Variants in CA12 observed in about 807,000 individuals in gnomAD.
The protein encoded by CA12 is carbonic anhydrase 12, also known as carbonate dehydratase XII.
A neutral mutation model predicts 46.8 loss-of-function variants in CA12; 36 were observed. That is an observed-to-expected ratio of 0.77 (90% CI 0.59 to 1.02). The LOEUF is 1.02. CA12 is among the 50% of genes least tolerant of loss of function. The pLI, the probability that CA12 is intolerant of heterozygous loss-of-function variation, is 0.00. For synonymous variants in CA12, 202 were observed against 187.0 expected, an observed-to-expected ratio of 1.08 and a Z score of -0.65; for missense variants, 436 against 451.4, an observed-to-expected ratio of 0.97 and a Z score of 0.31.
intron 1 of CA12, among the ~76,000 whole-genome samples, chr15:63,376,432 G>A (rs1294140137): frequency 6.6e-6 from 1 of 152,096 alleles, no homozygotes; most frequent in Non-Finnish European, 1.5e-5. Context: ...ACACACATAT[G>A]CATTGATCTC....
At chr15:63,368,849 C>G (rs551699869) in intron 2 of CA12, among the ~76,000 whole-genome samples, 6 of 152,298 alleles carry the variant, frequency 3.9e-5, no homozygotes, top group Admixed American at 3.3e-4. Context: ...AGGCTGGTGT[C>G]AATCCCAAAT....
At chr15:63,376,954 T>G (rs558264654) in intron 1 of CA12, among the ~76,000 whole-genome samples, 5 of 152,212 alleles carry the variant, frequency 3.3e-5, no homozygotes, top group Admixed American at 2.0e-4. Context: ...GGAAAAAGTT[T>G]CTCTTTGAGG....
intron 1 of CA12, among the ~76,000 whole-genome samples, chr15:63,377,465 A>T (rs1022219532): frequency 6.8e-6 from 1 of 147,640 alleles, no homozygotes; most frequent in Non-Finnish European, 1.5e-5. Context: ...AAAAGTTAAA[A>T]AGTGAACTTG....
At chr15:63,370,625 T>C (rs1318361378) in intron 2 of CA12, among the ~76,000 whole-genome samples, 4 of 151,348 alleles carry the variant, frequency 2.6e-5, no homozygotes, top group Non-Finnish European at 4.4e-5. Context: ...ATACAAAGAT[T>C]AGCCGGGCGT....
intron 2 of CA12, among the ~76,000 whole-genome samples, chr15:63,368,576 C>T (rs2039463681): frequency 6.6e-6 from 1 of 152,258 alleles, no homozygotes; most frequent in African/African-American, 2.4e-5. Context: ...CACAGGGCAG[C>T]ACACTGGCTC....
intron 4 of CA12, among the ~76,000 whole-genome samples, chr15:63,342,919 A>G (rs1035602680): frequency 6.6e-6 from 1 of 152,138 alleles, no homozygotes; most frequent in African/African-American, 2.4e-5. Context: ...AATACAGCTT[A>G]ATTTTCCCAT....
chr15:63,339,911 T>G lies in CA12; in HGVS notation c.747+377A>C, dbSNP rs2039053740. 3.0e-6 allele frequency: 1 copy of G among 335,768 alleles called. No individual in the cohort carries two copies. The highest frequency in any genetic ancestry group is 5.8e-6 in the Non-Finnish European group (1 of 173,686). The allele number at this position is 335,768 out of a possible 1,614,324, so 20.8% of individuals were successfully genotyped here. A position where few individuals can be genotyped will look rare whatever the true frequency, so the allele number is the denominator to read the frequency against. ...GCTTCTTGGGGGCAGGGACCCTCAC[T>G]TAGTCATTGCTGCAATCCCATCTCT... On this transcript the variant is annotated intron_variant, in intron 7 of 10. Transcript: ENST00000178638. The surrounding 1 kb of genome is among the most constrained non-coding windows in gnomAD (Gnocchi z 4.3).
At chr15:63,370,340 T>G (rs571782094) in intron 2 of CA12, among the ~76,000 whole-genome samples, 51 of 148,794 alleles carry the variant, frequency 3.4e-4, no homozygotes, top group African/African-American at 1.1e-3. Context: ...CCTAGCTACT[T>G]GGGAGGCTGA....
At chr15:63,363,571 T>G (rs1298550977) in intron 2 of CA12, among the ~76,000 whole-genome samples, 1 of 152,202 alleles carries the variant, frequency 6.6e-6, no homozygotes, top group Non-Finnish European at 1.5e-5. Context: ...TTGGAAGTCC[T>G]AGAACACTGC....
intron 2 of CA12, among the ~76,000 whole-genome samples, chr15:63,364,163 G>C (rs2039403780): frequency 6.6e-6 from 1 of 150,874 alleles, no homozygotes; most frequent in Non-Finnish European, 1.5e-5. Flanking sequence ...GGCAACAAGA[G>C]TAAAACTCTG....
chr15:63,358,301 G>C (rs1314747904), intron 2 of CA12, among the ~76,000 whole-genome samples: 1 of 152,218 alleles, frequency 6.6e-6, no homozygotes, highest in Non-Finnish European at 1.5e-5. Flanking sequence ...GGGTCAACAA[G>C]GCTATTATTT....
Position 63,345,053 on chromosome 15 carries a change from A to G in CA12, c.429+424T>C, listed in dbSNP as rs2039128235. On this transcript the variant is annotated intron_variant, in intron 4 of 10. Transcript: ENST00000178638. The surrounding 1 kb of genome is among the most constrained non-coding windows in gnomAD (Gnocchi z 4.3). Reference sequence around the variant, plus strand: ...ACAACCCATGCCCAGAGAGGGAAAGATAGCATCAAAATGATGCAAACAGCA... The same window carrying G: ...ACAACCCATGCCCAGAGAGGGAAAGGTAGCATCAAAATGATGCAAACAGCA... 6.6e-6 allele frequency among the ~76,000 whole-genome samples: 1 copy of G among 152,216 alleles called. No homozygotes were observed. Among genetic ancestry groups the G allele is most frequent in the South Asian group, 2.1e-4 (1 of 4,828 alleles).
Position 63,346,693 on chromosome 15 carries a change from AT to A in CA12, c.122del (p.Asn41IlefsTer18), listed in dbSNP as rs766998044. 2 of 1,614,128 alleles carry A rather than the reference AT, an allele frequency of 1.2e-6. No homozygotes were observed. The highest frequency in any genetic ancestry group is 4.5e-5 in the East Asian group (2 of 44,884). ...KWTYFGPDGE[N>X]SWSKKYPSCG... ...ACGACGGGTACTTCTTGGACCAGCT[AT>A]TCTCCCCATCAGGACCTGGACACAG... On this transcript the variant is annotated frameshift_variant, in exon 3 of 11. Transcript: ENST00000178638. LOFTEE classifies it high-confidence loss of function.
In CA12 at chr15:63,372,272, T is replaced by C. The variant is rs1486041395; in HGVS notation, c.106+3386A>G. On this transcript the variant is annotated intron_variant, in intron 2 of 10. Coordinates refer to ENST00000178638, the MANE Select transcript of CA12 (RefSeq NM_001218.5). This position sits in a 1 kb window ranked among gnomAD's most constrained non-coding sequence, Gnocchi z 4.5. The stretch of plus-strand genomic sequence containing the variant: ...GGCGGGGAAGGTCCATGTCACATCA[T>C]CCCCAGCCTCTCTCTCATGATGCCA... 1.3e-5 allele frequency among the ~76,000 whole-genome samples: 2 copies of C among 152,064 alleles called. No homozygotes were observed. The highest frequency in any genetic ancestry group is 2.1e-4 in the South Asian group (1 of 4,814).
At chr15:63,337,892 C>T (rs532350808) in intron 8 of CA12, among the ~76,000 whole-genome samples, 2 of 152,072 alleles carry the variant, frequency 1.3e-5, no homozygotes, top group African/African-American at 2.4e-5. Context: ...ACGCCAGGCC[C>T]GGTTTGGTCC....
At chr15:63,360,116 C>T (rs2039342743) in intron 2 of CA12, among the ~76,000 whole-genome samples, 1 of 152,190 alleles carries the variant, frequency 6.6e-6, no homozygotes, top group Admixed American at 6.5e-5. Flanking sequence ...CGGCAGAAGA[C>T]ATGAGATGCC....
Position 63,328,141 on chromosome 15 carries a change from G to A in CA12, c.875-11C>T, listed in dbSNP as rs1438954903. ...CAGTACAGACTTGCACTTAAAAGGG[G>A]AGAGGAAAAGACGAGGTTACTCTAG... On this transcript the variant is annotated splice_polypyrimidine_tract_variant and intron_variant, in intron 8 of 10. Transcript: ENST00000178638. The surrounding 1 kb of genome is among the most constrained non-coding windows in gnomAD (Gnocchi z 5.9). The A allele has an allele frequency of 1.9e-6, 3 of 1,613,646 alleles. No individual in the cohort carries two copies. The highest frequency in any genetic ancestry group is 1.1e-5 in the South Asian group (1 of 91,064).
In CA12 at chr15:63,373,786, A is replaced by G. The variant is rs952478583; in HGVS notation, c.106+1872T>C. On this transcript the variant is annotated intron_variant, in intron 2 of 10. Transcript: ENST00000178638. This position sits in a 1 kb window ranked among gnomAD's most constrained non-coding sequence, Gnocchi z 4.9. ...CCTCCTCCAGGTTACAGATGGGGAA[A>G]GTGAAGTCCTGGGGCTGAAATGGCT... 2.0e-5 allele frequency among the ~76,000 whole-genome samples: 3 copies of G among 152,146 alleles called. No individual in the cohort carries two copies. The highest frequency in any genetic ancestry group is 7.2e-5 in the African/African-American group (3 of 41,400).
At position 63,322,989 on chromosome 15, in the gene CA12, T is replaced by G. The variant is rs1436989007; in HGVS notation, c.*3296A>C. ...ATGGTACCTATTTTATAACCTTTAC[T>G]GGACTGCCTCTTTTTGCCCCAGTCA... On this transcript the variant is annotated 3_prime_UTR_variant, in exon 11 of 11. Transcript: ENST00000178638. This position sits in a 1 kb window ranked among gnomAD's most constrained non-coding sequence, Gnocchi z 4.1. 6.6e-6 allele frequency: 1 copy of G among 152,240 alleles called. No individual in the cohort carries two copies. Among genetic ancestry groups the G allele is most frequent in the Non-Finnish European group, 1.5e-5 (1 of 68,034 alleles). The allele number at this position is 152,240 out of a possible 1,614,324, so 9.4% of individuals were successfully genotyped here.
Sources: allele counts gnomAD v4.1 joint callset (sites outside exome capture counted in the v4.1 genomes callset), GRCh38; gene constraint gnomAD v4.1.1; non-coding constraint Gnocchi (gnomAD v3.1); transcripts MANE v1.5; gene names NCBI Gene and HGNC (gene_info 2026-07-23, HGNC 2026-07-21).